MECOM: variants seen among roughly 807,000 people sequenced by gnomAD.
MECOM encodes the protein MDS1 and EVI1 complex locus.
Under a neutral mutation model 116.3 loss-of-function variants are expected in MECOM, and 13 were observed. The ratio of observed to expected loss-of-function variants is 0.11; its 90% CI spans 0.07 to 0.18. MECOM has a LOEUF of 0.18. Among genes scored for constraint, MECOM ranks in the 10% least tolerant of loss-of-function variants. The pLI is 1.00. For synonymous variants in MECOM, 528 were observed against 535.2 expected (o/e 0.99, Z 0.19); for missense variants, 1,299 against 1,509.0 (o/e 0.86, Z 2.31).
chr3:169,115,883 C>G lies in MECOM; in HGVS notation c.1989G>C (p.Lys663Asn). The G allele has an allele frequency of 2.5e-6, 4 of 1,614,070 alleles. No homozygotes were observed. Among genetic ancestry groups the G allele is most frequent in the Non-Finnish European group, 2.5e-6 (3 of 1,180,046 alleles). ...AVSGAVNDSI[K>N]AIASIAEKYF... ...ATTTTTCAGCAATAGAAGCAATAGC[C>G]TTTATAGAATCATTCACAGCTCCTG... Residue 663 changes from lysine (K) to asparagine (N), a missense_variant, in exon 8 of 17, where the codon AAG becomes AAC. Lys to Asn is a moderately conservative substitution (Grantham distance 94). This residue lies in a region of MECOM where 340 missense variants were observed against 312.6 expected (regional missense o/e 1.09). Coordinates refer to ENST00000651503, the MANE Select transcript of MECOM (RefSeq NM_004991.4).
intron 1 of MECOM, among the ~76,000 whole-genome samples, chr3:169,549,839 G>C (rs1218615812): frequency 1.3e-5 from 2 of 152,216 alleles, no homozygotes; most frequent in East Asian, 3.8e-4. Context: ...AGTCCTCTGG[G>C]ATGTGGCGCT....
chr3:169,254,221 C>T (rs1203634113), intron 2 of MECOM, among the ~76,000 whole-genome samples: 1 of 152,096 alleles, frequency 6.6e-6, no homozygotes, highest in Non-Finnish European at 1.5e-5. Flanking sequence ...AAATCTATGT[C>T]GTAGGGAGTC....
chr3:169,433,009 C>T (rs57900283), intron 1 of MECOM, among the ~76,000 whole-genome samples: 17,557 of 152,204 alleles, frequency 0.12, 1,286 homozygotes, highest in East Asian at 0.29. Context: ...AACCCTTTAC[C>T]CACCAGGTAT....
chr3:169,112,284 A>G (rs1727667711), intron 9 of MECOM, among the ~76,000 whole-genome samples: 1 of 152,160 alleles, frequency 6.6e-6, no homozygotes, highest in Admixed American at 6.5e-5. Context: ...CATTGTGGTG[A>G]ATTCTTGTGC....
chr3:169,144,449 C>T (rs950695722), intron 2 of MECOM, among the ~76,000 whole-genome samples: 5 of 152,084 alleles, frequency 3.3e-5, no homozygotes, highest in Admixed American at 6.5e-5. Flanking sequence ...CACATGTCAA[C>T]GCATGTTTCA....
intron 1 of MECOM, among the ~76,000 whole-genome samples, chr3:169,463,688 C>G (rs1377475022): frequency 6.6e-6 from 1 of 152,040 alleles, no homozygotes; most frequent in Non-Finnish European, 1.5e-5. Flanking sequence ...ATAGTAAAAC[C>G]TTAAATATTT....
At chr3:169,592,597 C>T (rs997290665) in intron 1 of MECOM, among the ~76,000 whole-genome samples, 1 of 152,218 alleles carries the variant, frequency 6.6e-6, no homozygotes, top group East Asian at 1.9e-4. Context: ...TATCCAAGCA[C>T]ATGAGCTTCT....
intron 1 of MECOM, among the ~76,000 whole-genome samples, chr3:169,551,790 A>G (rs1761434612): frequency 6.6e-6 from 1 of 152,252 alleles, no homozygotes; most frequent in East Asian, 1.9e-4. Context: ...AATAGCTAGA[A>G]AATGGAAACA....
intron 2 of MECOM, among the ~76,000 whole-genome samples, chr3:169,181,813 G>A (rs1746004267): frequency 6.6e-6 from 1 of 152,138 alleles, no homozygotes; most frequent in Admixed American, 6.6e-5. Flanking sequence ...ATGGAGTCAG[G>A]CGAACTTGGA....
chr3:169,294,713 A>T (rs1453782890), intron 2 of MECOM, among the ~76,000 whole-genome samples: 1 of 152,154 alleles, frequency 6.6e-6, no homozygotes, highest in African/African-American at 2.4e-5. Flanking sequence ...ACAATGATGA[A>T]TCTAAAAATC....
Position 169,293,348 on chromosome 3 carries a change from C to A in MECOM, c.375+87839G>T, listed in dbSNP as rs7623425. 7.0e-3 allele frequency among the ~76,000 whole-genome samples: 1,068 copies of A among 152,298 alleles called. 14 individuals are homozygous for A. The highest frequency in any genetic ancestry group is 0.025 in the African/African-American group (1,021 of 41,578). On this transcript the variant is annotated intron_variant, in intron 2 of 16. Coordinates refer to ENST00000651503, the MANE Select transcript of MECOM (RefSeq NM_004991.4). The stretch of plus-strand genomic sequence containing the variant: ...AAACTCCTCACCATGGCCTTTGAGG[C>A]CCTTCCTCTCTGACCTCACTGCTCC...
chr3:169,157,943 T>C (rs1742250299), intron 2 of MECOM, among the ~76,000 whole-genome samples: 1 of 152,206 alleles, frequency 6.6e-6, no homozygotes, highest in Admixed American at 6.5e-5. Context: ...AGCTGGATCA[T>C]GATGTGGAGA....
chr3:169,361,745 C>T (rs1429862167), intron 2 of MECOM, among the ~76,000 whole-genome samples: 1 of 151,642 alleles, frequency 6.6e-6, no homozygotes, highest in African/African-American at 2.4e-5. Context: ...GCTCTTGGTC[C>T]ATGTGTTATA....
intron 2 of MECOM, among the ~76,000 whole-genome samples, chr3:169,344,928 TG>T (rs1376998839): frequency 6.6e-6 from 1 of 152,156 alleles, no homozygotes; most frequent in Non-Finnish European, 1.5e-5. Flanking sequence ...ATCTGCTACA[TG>T]ATAAAAATTA....
chr3:169,318,927 C>T (rs1263712854), intron 2 of MECOM, among the ~76,000 whole-genome samples: 3 of 151,868 alleles, frequency 2.0e-5, no homozygotes, highest in East Asian at 3.9e-4. Flanking sequence ...GGTGAAACCT[C>T]GTCGCTATTA....
chr3:169,586,225 A>G (rs1765755784), intron 1 of MECOM, among the ~76,000 whole-genome samples: 1 of 152,248 alleles, frequency 6.6e-6, no homozygotes, highest in South Asian at 2.1e-4. Flanking sequence ...ACACATAAAA[A>G]CCATAGAAGG....
intron 3 of MECOM, chr3:169,131,924 A>G (rs1318532475): frequency 7.9e-6 from 8 of 1,007,844 alleles, no homozygotes; most frequent in African/African-American, 5.2e-5. Context: ...CTCCAGCAGT[A>G]GCCTAGCTTA....
At chr3:169,114,975 C>A (rs972262132) in intron 8 of MECOM, among the ~76,000 whole-genome samples, 2 of 152,134 alleles carry the variant, frequency 1.3e-5, no homozygotes, top group African/African-American at 4.8e-5. Context: ...AGAGTGGACT[C>A]TTGCTGTTAG....
chr3:169,548,190 CAA>C lies in MECOM; in HGVS notation c.37+115144_37+115145del, dbSNP rs879720168. ...CATATCAAAGGAAGTCACACACACA[CAA>C]AAAAAAAGAAAGAAAAACTTTAAAA... On this transcript the variant is annotated intron_variant, in intron 1 of 16. Transcript: ENST00000651503. Among the ~76,000 whole-genome samples, 11 of 150,412 alleles carry C rather than the reference CAA, an allele frequency of 7.3e-5. No homozygotes were observed. In the South Asian group the frequency reaches 2.1e-3, roughly 29 times the overall value.
Sources: allele counts gnomAD v4.1 joint callset (sites outside exome capture counted in the v4.1 genomes callset), GRCh38; gene constraint gnomAD v4.1.1; regional missense constraint gnomAD v4.1.1; transcripts MANE v1.5; gene names NCBI Gene and HGNC (gene_info 2026-07-23, HGNC 2026-07-21).